FRYL: variants seen among roughly 807,000 people sequenced by gnomAD.
The protein encoded by FRYL is FRY like transcription coactivator.
Under a neutral mutation model 351.2 loss-of-function variants are expected in FRYL, and 150 were observed. The observed-to-expected ratio is 0.43, with a 90% confidence interval of 0.37 to 0.49. The LOEUF is 0.49. FRYL is among the 20% of genes least tolerant of loss of function. The probability of loss-of-function intolerance (pLI) is 0.00; values close to 1 mark genes in which losing one functional copy is unlikely to be tolerated. For missense variants in FRYL, 3,036 were observed against 3,619.3 expected (o/e 0.84, Z 4.13); for synonymous variants, 1,153 against 1,257.1 (o/e 0.92, Z 1.75).
At chr4:48,523,260 A>C (rs1161539984) in intron 53 of FRYL, among the ~76,000 whole-genome samples, 156 bp from the exon 54 acceptor site, 1 of 152,224 alleles carries the variant, frequency 6.6e-6, no homozygotes, top group Non-Finnish European at 1.5e-5. Context: ...TAAACTGTTA[A>C]CACACCATCA....
At chr4:48,582,941 A>G (rs1202820499) in intron 19 of FRYL, among the ~76,000 whole-genome samples, 1 of 152,232 alleles carries the variant, frequency 6.6e-6, no homozygotes, top group African/African-American at 2.4e-5. Context: ...ATATGAATCT[A>G]TTCCCATTAG....
chr4:48,634,584 C>T, intron 3 of FRYL, 94 bp from the exon 4 acceptor site: 1 of 836,780 alleles, frequency 1.2e-6, no homozygotes, highest in Non-Finnish European at 1.8e-6. Flanking sequence ...CTGCCTCTAA[C>T]CCTCAACCAG....
At position 48,567,521 on chromosome 4, in the gene FRYL, G is replaced by T; in HGVS notation, c.2997-101C>A. ...AATCAGAATAATACATGTTAATTTTGCATGCTCATGGCAGCACGCAACTTA... is the reference window on the plus strand; with the variant it reads ...AATCAGAATAATACATGTTAATTTTTCATGCTCATGGCAGCACGCAACTTA... On this transcript the variant is annotated intron_variant, in intron 27 of 63. Coordinates refer to ENST00000358350, the MANE Select transcript of FRYL (RefSeq NM_015030.2). This position sits in a 1 kb window ranked among gnomAD's most constrained non-coding sequence, Gnocchi z 4.2. 2.5e-6 allele frequency: 2 copies of T among 805,746 alleles called. No homozygotes were observed. Among genetic ancestry groups the T allele is most frequent in the Non-Finnish European group, 3.7e-6 (2 of 538,118 alleles). 49.9% of individuals were successfully genotyped at this position (805,746 alleles called of 1,614,324 possible).
chr4:48,539,597 T>G (rs1045853601), intron 47 of FRYL, among the ~76,000 whole-genome samples: 31 of 147,502 alleles, frequency 2.1e-4, no homozygotes, highest in African/African-American at 7.4e-4. Context: ...GCATTCCCCA[T>G]GATAAAGTAC....
chr4:48,599,906 G>C (rs1002887878), intron 13 of FRYL, among the ~76,000 whole-genome samples: 3 of 152,114 alleles, frequency 2.0e-5, no homozygotes, highest in Admixed American at 6.5e-5. Context: ...TCAGGAGTTT[G>C]AGACCAGCCT....
At chr4:48,697,523 C>T (rs1252385125) in intron 2 of FRYL, among the ~76,000 whole-genome samples, 2 of 152,102 alleles carry the variant, frequency 1.3e-5, no homozygotes, top group African/African-American at 2.4e-5. Flanking sequence ...TGGAGTCTCA[C>T]TCTGTCCCCC....
chr4:48,535,977 GA>G (rs1728792200), intron 47 of FRYL, 150 bp from the exon 48 acceptor site: 3 of 578,966 alleles, frequency 5.2e-6, no homozygotes, highest in Non-Finnish European at 8.6e-6. Flanking sequence ...AGTGAAACGA[GA>G]AAAAAAGCAC....
At chr4:48,741,202 G>GT (rs1472851593) in intron 1 of FRYL, among the ~76,000 whole-genome samples, 1 of 151,738 alleles carries the variant, frequency 6.6e-6, no homozygotes, top group Non-Finnish European at 1.5e-5. Flanking sequence ...GAACCCAGGA[G>GT]TTTGAGACCA....
At chr4:48,616,137 C>T (rs545581912) in intron 7 of FRYL, among the ~76,000 whole-genome samples, 11 of 151,728 alleles carry the variant, frequency 7.2e-5, no homozygotes, top group African/African-American at 2.4e-4. Context: ...TTGATGGGTG[C>T]AGCAAACCAT....
chr4:48,652,703 A>T (rs1249010167), intron 3 of FRYL, among the ~76,000 whole-genome samples: 2 of 152,198 alleles, frequency 1.3e-5, no homozygotes, highest in African/African-American at 2.4e-5. Flanking sequence ...TCATGTCAAT[A>T]TTTTCACTTT....
chr4:48,563,706 T>TA (rs78922907), intron 31 of FRYL, among the ~76,000 whole-genome samples: 1,406 of 123,216 alleles, frequency 0.011, 21 homozygotes, highest in African/African-American at 0.037. Context: ...AGACCATGTC[T>TA]AAAAAAAAAA....
chr4:48,660,695 A>C (rs970476580), intron 3 of FRYL, among the ~76,000 whole-genome samples: 2 of 152,210 alleles, frequency 1.3e-5, no homozygotes, highest in Non-Finnish European at 2.9e-5. Context: ...CCAGGAGATC[A>C]AGGTTAACAT....
intron 3 of FRYL, among the ~76,000 whole-genome samples, chr4:48,679,090 A>T (rs1253414400): frequency 6.6e-6 from 1 of 152,176 alleles, no homozygotes; most frequent in Non-Finnish European, 1.5e-5. Flanking sequence ...TGCACATATT[A>T]ATATATACAT....
chr4:48,778,130 TG>T (rs1776221364), intron 1 of FRYL, among the ~76,000 whole-genome samples: 1 of 152,190 alleles, frequency 6.6e-6, no homozygotes, highest in Non-Finnish European at 1.5e-5. Context: ...CCAAAGAATT[TG>T]TTTTTGTGTG....
At chr4:48,623,673 T>C (rs560571482) in intron 4 of FRYL, among the ~76,000 whole-genome samples, 6 of 152,164 alleles carry the variant, frequency 3.9e-5, no homozygotes, top group Non-Finnish European at 7.4e-5. Context: ...GTCTCTGTGC[T>C]TCAGTTTTCT....
intron 1 of FRYL, among the ~76,000 whole-genome samples, chr4:48,775,770 G>T (rs748504555): frequency 3.9e-5 from 6 of 152,094 alleles, no homozygotes; most frequent in Non-Finnish European, 5.9e-5. Flanking sequence ...ATATTCTGGG[G>T]TAAAGGCAGA....
intron 1 of FRYL, among the ~76,000 whole-genome samples, chr4:48,737,800 C>G (rs567463848): frequency 6.6e-6 from 1 of 152,266 alleles, no homozygotes; most frequent in South Asian, 2.1e-4. Context: ...CCCAGATATG[C>G]AAAGCTGGCT....
chr4:48,540,389 A>G lies in FRYL; in HGVS notation c.6259T>C (p.Ser2087Pro). ...VHLLSKLISV[S>P]KHTLVDPSQL... is the part of the protein sequence containing the mutation. ...GAAGGATCCACCAATGTATGTTTGG[A>G]GACAGAAATGAGTTTACTGAGGAGG... Residue 2087 changes from serine (S) to proline (P), a missense_variant, in exon 46 of 64, where the codon TCC (serine) becomes CCC (proline). By Grantham distance (74) the Ser-to-Pro change is moderately conservative. This residue lies in a region of FRYL where 1,987 missense variants were observed against 2,311.7 expected (regional missense o/e 0.86). Coordinates refer to ENST00000358350, the MANE Select transcript of FRYL (RefSeq NM_015030.2). The G allele has an allele frequency of 1.2e-6, 2 of 1,613,834 alleles. No individual in the cohort carries two copies. Among genetic ancestry groups the G allele is most frequent in the Non-Finnish European group, 1.7e-6 (2 of 1,179,798 alleles).
At chr4:48,671,383 T>C (rs528326566) in intron 3 of FRYL, among the ~76,000 whole-genome samples, 29 of 152,220 alleles carry the variant, frequency 1.9e-4, no homozygotes, top group Admixed American at 1.7e-3. Flanking sequence ...AAAGGAAAGC[T>C]AGGGCCGGGT....
Sources: gnomAD v4.1 joint callset for allele counts (sites outside exome capture counted in the v4.1 genomes callset) on GRCh38, gnomAD v4.1.1 for gene constraint, gnomAD v4.1.1 regional missense constraint, Gnocchi (gnomAD v3.1) non-coding constraint, MANE v1.5 for transcripts, NCBI Gene and HGNC (gene_info 2026-07-23, HGNC 2026-07-21) for gene names.